Variants in MDFIC observed in about 807,000 individuals in gnomAD.
MDFIC encodes the protein MyoD family inhibitor domain containing.
A neutral mutation model predicts 23.2 loss-of-function variants in MDFIC; 17 were observed. The observed-to-expected ratio is 0.73, with a 90% CI of 0.50 to 1.10. The LOEUF (loss-of-function observed/expected upper bound fraction) is 1.10. MDFIC is among the 50% of genes least tolerant of loss of function. The pLI, the probability that MDFIC is intolerant of heterozygous loss-of-function variation, is 0.00. For synonymous variants in MDFIC, 120 were observed against 115.2 expected, an observed-to-expected ratio of 1.04 and a Z score of -0.27; for missense variants, 356 against 316.6, an observed-to-expected ratio of 1.12 and a Z score of -0.95.
intron 4 of MDFIC, among the ~76,000 whole-genome samples, chr7:115,008,486 T>G (rs1190512118): frequency 6.6e-6 from 1 of 152,218 alleles, no homozygotes; most frequent in African/African-American, 2.4e-5. Context: ...GACTGGATTC[T>G]GGCTAAGATG....
chr7:114,979,730 A>G lies in MDFIC; in HGVS notation c.442A>G (p.Lys148Glu). 1 of 1,614,180 alleles carries G rather than the reference A, an allele frequency of 6.2e-7. No homozygotes were observed. Among genetic ancestry groups the G allele is most frequent in the Non-Finnish European group, 8.5e-7 (1 of 1,179,994 alleles). The change falls in exon 4 of 5, where the codon AAG becomes GAG. Residue 148 changes from lysine to glutamate, a missense_variant. By Grantham distance (56) the Lys-to-Glu change is moderately conservative (BLOSUM62 1). Coordinates refer to ENST00000393486, the MANE Select transcript of MDFIC (RefSeq NM_001166345.3). The part of the protein sequence containing the change: ...SLSVNSDISK[K>E]SKVNAVFSQK... ...GTCTGTAAACAGCGATATCAGTAAG[A>G]AGAGCAAAGTAAATGCTGTCTTTTC...
chr7:114,960,436 G>A (rs542778426), intron 3 of MDFIC, among the ~76,000 whole-genome samples: 23 of 152,198 alleles, frequency 1.5e-4, no homozygotes, highest in Non-Finnish European at 2.9e-4. Flanking sequence ...AAGAGTAAGT[G>A]GGAAAGAGTC....
rs1023034256 is a variant in MDFIC at position 115,017,129 on chromosome 7, C to T, written c.*1194C>T. On this transcript the variant is annotated 3_prime_UTR_variant, in exon 5 of 5. Coordinates refer to ENST00000393486, the MANE Select transcript of MDFIC (RefSeq NM_001166345.3). ...CACCCTAAACTGTGTGTGCCTTTAA[C>T]CAGTTAAAAGAACAGTGCCTTCAGC... 6.6e-6 allele frequency: 1 copy of T among 152,098 alleles called. No individual in the cohort carries two copies. The highest frequency in any genetic ancestry group is 1.5e-5 in the Non-Finnish European group (1 of 68,014). The allele number at this position is 152,098 out of a possible 1,614,324, so 9.4% of individuals were successfully genotyped here. A position where few individuals can be genotyped will look rare whatever the true frequency, so the allele number is the denominator to read the frequency against.
chr7:114,926,955 A>G (rs2115680493), intron 2 of MDFIC, among the ~76,000 whole-genome samples: 1 of 152,204 alleles, frequency 6.6e-6, no homozygotes, highest in Admixed American at 6.5e-5. Context: ...TCTACTGGGG[A>G]CAATTTTGCT....
chr7:114,946,359 C>G (rs1585097662), intron 3 of MDFIC, among the ~76,000 whole-genome samples: 1 of 151,812 alleles, frequency 6.6e-6, no homozygotes, highest in East Asian at 1.9e-4. Flanking sequence ...TTTCTTTGTT[C>G]CTCTTTATAA....
At chr7:114,992,555 A>G (rs1791197413) in intron 4 of MDFIC, among the ~76,000 whole-genome samples, 1 of 152,172 alleles carries the variant, frequency 6.6e-6, no homozygotes. Context: ...AGTTTTTAGT[A>G]TGAAGGGCTG....
At chr7:114,975,195 A>G (rs778742508) in intron 3 of MDFIC, among the ~76,000 whole-genome samples, 5 of 152,112 alleles carry the variant, frequency 3.3e-5, no homozygotes, top group Non-Finnish European at 5.9e-5. Context: ...AGAGGTGTCA[A>G]AAAGTTTCTT....
intron 2 of MDFIC, among the ~76,000 whole-genome samples, chr7:114,940,938 T>G (rs1792524530): frequency 6.6e-6 from 1 of 152,294 alleles, no homozygotes; most frequent in East Asian, 1.9e-4. Context: ...GTTATCCAGT[T>G]AATTAAACTC....
At chr7:114,961,506 A>C (rs1792991455) in intron 3 of MDFIC, among the ~76,000 whole-genome samples, 1 of 152,120 alleles carries the variant, frequency 6.6e-6, no homozygotes, top group African/African-American at 2.4e-5. Context: ...CTTTACTCAT[A>C]TACTCCTTAT....
At chr7:115,001,720 A>C (rs1562827112) in intron 4 of MDFIC, among the ~76,000 whole-genome samples, 2 of 151,912 alleles carry the variant, frequency 1.3e-5, no homozygotes, top group Admixed American at 1.3e-4. Flanking sequence ...AGTGCCTTTG[A>C]TTTTTTGTTC....
chr7:114,923,112 G>A lies in MDFIC; in HGVS notation c.79G>A (p.Gly27Ser). Residue 27 changes from glycine to serine, a missense_variant, in exon 2 of 5, where the codon GGC becomes AGC. Transcript: ENST00000393486. ...RVAEAGGGQL[G>S]STAQGKCDKD... ...GGCCGAGGCGGGCGGCGGCCAGCTG[G>A]GCTCCACAGCCCAGGGTGAGTGCGC... The A allele has an allele frequency of 4.7e-6, 7 of 1,477,424 alleles. No individual in the cohort carries two copies. Among genetic ancestry groups the A allele is most frequent in the African/African-American group, 1.5e-5 (1 of 68,248 alleles). 91.5% of individuals were successfully genotyped at this position (1,477,424 alleles called of 1,614,324 possible). A position where few individuals can be genotyped will look rare whatever the true frequency, so the allele number is the denominator to read the frequency against.
At chr7:114,965,705 T>C (rs1490127613) in intron 3 of MDFIC, among the ~76,000 whole-genome samples, 3 of 152,214 alleles carry the variant, frequency 2.0e-5, no homozygotes, top group African/African-American at 7.2e-5. Context: ...ATTCCCTCTC[T>C]GACATCTATT....
rs1271587236 is a variant in MDFIC, at chr7:115,016,039, G to A, written c.*104G>A. 1.7e-6 allele frequency: 2 copies of A among 1,197,624 alleles called. No homozygotes were observed. The highest frequency in any genetic ancestry group is 2.3e-6 in the Non-Finnish European group (2 of 854,206). The allele number at this position is 1,197,624 out of a possible 1,614,324, so 74.2% of individuals were successfully genotyped here. A position where few individuals can be genotyped will look rare whatever the true frequency, so the allele number is the denominator to read the frequency against. ...ATTCTCATGAAACAACATGGAATTT[G>A]CACTGTTAACTCATTATTGTAAGTA... On this transcript the variant is annotated 3_prime_UTR_variant, in exon 5 of 5. Transcript: ENST00000393486.
chr7:114,933,272 C>CTTTTTTTTTTTTTGT (rs1792361272), intron 2 of MDFIC, among the ~76,000 whole-genome samples: 1 of 109,072 alleles, frequency 9.2e-6, no homozygotes, highest in African/African-American at 3.4e-5. Context: ...TTTTTTTTTC[C>CTTTTTTTTTTTTTGT]TTTTGAGACG....
At chr7:114,989,523 T>C (rs1387674198) in intron 4 of MDFIC, among the ~76,000 whole-genome samples, 1 of 152,158 alleles carries the variant, frequency 6.6e-6, no homozygotes, top group Non-Finnish European at 1.5e-5. Flanking sequence ...CATTTGAAGA[T>C]ATGAGAAGGC....
chr7:114,923,663 C>T, intron 2 of MDFIC: 1 of 1,415,694 alleles, frequency 7.1e-7, no homozygotes, highest in Non-Finnish European at 9.2e-7. Context: ...GAAACACTTT[C>T]CAAGAATGAA....
At chr7:115,015,544 G>T in intron 4 of MDFIC, 144 bp from the exon 5 acceptor site, 11 of 1,071,506 alleles carry the variant, frequency 1.0e-5, no homozygotes, top group South Asian at 3.3e-5. Flanking sequence ...GCTCCTTTTT[G>T]AGCTTCCAGC....
intron 2 of MDFIC, among the ~76,000 whole-genome samples, chr7:114,931,891 G>A (rs968693624): frequency 1.2e-4 from 19 of 152,162 alleles, no homozygotes; most frequent in Non-Finnish European, 2.4e-4. Context: ...AAACTAGGTG[G>A]CAGAGTATGA....
In MDFIC at chr7:115,018,629, A is replaced by G. The variant is rs1485216411; in HGVS notation, c.*2694A>G. The G allele has an allele frequency of 6.6e-6, 1 of 152,430 alleles. No individual in the cohort carries two copies. Among genetic ancestry groups the G allele is most frequent in the Non-Finnish European group, 1.5e-5 (1 of 67,852 alleles). The allele number at this position is 152,430 out of a possible 1,614,324, so 9.4% of individuals were successfully genotyped here. On this transcript the variant is annotated 3_prime_UTR_variant, in exon 5 of 5. Transcript: ENST00000393486. ...GTTGAAGTATATGGCTATCATGACTAAGTGCTAGAATTTATAGTTACAGGC... is the reference window on the plus strand; with the variant it reads ...GTTGAAGTATATGGCTATCATGACTGAGTGCTAGAATTTATAGTTACAGGC...
Sources: allele counts gnomAD v4.1 joint callset (sites outside exome capture counted in the v4.1 genomes callset), GRCh38; gene constraint gnomAD v4.1.1; transcripts MANE v1.5; gene names NCBI Gene and HGNC (gene_info 2026-07-23, HGNC 2026-07-21).